Variants in SGCZ observed in about 807,000 individuals in gnomAD.
SGCZ encodes zeta-sarcoglycan.
SGCZ carries 40 observed loss-of-function variants against 41.3 expected under a neutral mutation model. The ratio of observed to expected loss-of-function variants is 0.97; its 90% CI spans 0.75 to 1.26. The LOEUF is 1.26. Among genes scored for constraint, SGCZ ranks in the 50% most tolerant of loss-of-function variants. The pLI is 0.00. For synonymous variants in SGCZ, 206 were observed against 137.5 expected (o/e 1.50, Z -3.49); for missense variants, 552 against 369.8 (o/e 1.49, Z -4.04).
At chr8:14,136,222 C>G (rs1328701021) in intron 5 of SGCZ, among the ~76,000 whole-genome samples, 1 of 152,118 alleles carries the variant, frequency 6.6e-6, no homozygotes, top group Non-Finnish European at 1.5e-5. Flanking sequence ...GTCTACAGCT[C>G]CCAGTGTGAG....
intron 2 of SGCZ, among the ~76,000 whole-genome samples, chr8:14,547,712 G>T (rs904481175): frequency 6.6e-6 from 1 of 152,060 alleles, no homozygotes; most frequent in Non-Finnish European, 1.5e-5. Context: ...ATGAAGCACC[G>T]AAGCCAGAGA....
At chr8:14,586,142 A>G (rs1483716602) in intron 1 of SGCZ, among the ~76,000 whole-genome samples, 1 of 152,158 alleles carries the variant, frequency 6.6e-6, no homozygotes, top group African/African-American at 2.4e-5. Flanking sequence ...GTTGTCTTAG[A>G]TTTCATGCTA....
intron 2 of SGCZ, among the ~76,000 whole-genome samples, chr8:14,386,751 G>A (rs534533242): frequency 7.2e-5 from 11 of 152,182 alleles, no homozygotes; most frequent in African/African-American, 2.6e-4. Flanking sequence ...TAAAAACCAA[G>A]CTTAGAAACA....
At chr8:15,172,164 T>TATTTATTTATTTTATTTTATTTTA (rs10643012) in intron 1 of SGCZ, among the ~76,000 whole-genome samples, 7 of 108,608 alleles carry the variant, frequency 6.4e-5, no homozygotes, top group African/African-American at 1.9e-4. Context: ...GTTTTTTTTT[T>TATTTATTTATTTTATTTTATTTTA]TTTTTTTTTT....
chr8:14,391,263 C>G (rs1804760079), intron 2 of SGCZ, among the ~76,000 whole-genome samples: 2 of 152,104 alleles, frequency 1.3e-5, no homozygotes, highest in African/African-American at 2.4e-5. Context: ...GTTCAGTCTT[C>G]TGACAGTTAA....
intron 1 of SGCZ, among the ~76,000 whole-genome samples, chr8:15,236,739 C>T (rs111293544): frequency 5.3e-4 from 80 of 152,308 alleles, no homozygotes; most frequent in African/African-American, 1.8e-3. Context: ...CGCGTTGTCA[C>T]CCCGGATGCT....
Position 14,659,683 on chromosome 8 carries a change from A to G in SGCZ, c.40-104757T>C, listed in dbSNP as rs115792718. Among the ~76,000 whole-genome samples the G allele has an allele frequency of 3.8e-3, 572 of 152,234 alleles. 7 individuals carry two copies. The highest frequency in any genetic ancestry group is 0.013 in the African/African-American group (554 of 41,542). On this transcript the variant is annotated intron_variant, in intron 1 of 7. Coordinates refer to ENST00000382080, the MANE Select transcript of SGCZ (RefSeq NM_139167.4). The stretch of plus-strand genomic sequence containing the variant: ...CTATGGCTTTTGGTGAAATCAACCA[A>G]TTGCTCTCTGCTCCTGCTATAGGTC...
intron 1 of SGCZ, among the ~76,000 whole-genome samples, chr8:14,698,268 C>A (rs1435258150): frequency 6.6e-6 from 1 of 151,758 alleles, no homozygotes; most frequent in African/African-American, 2.4e-5. Context: ...ACAAACTACA[C>A]CATAATTCTT....
At chr8:14,330,330 A>C (rs1487513424) in intron 2 of SGCZ, among the ~76,000 whole-genome samples, 2 of 152,106 alleles carry the variant, frequency 1.3e-5, no homozygotes, top group Non-Finnish European at 2.9e-5. Flanking sequence ...CTCTTTACTT[A>C]AATAACAAAA....
At chr8:14,151,040 C>T (rs988930111) in intron 5 of SGCZ, among the ~76,000 whole-genome samples, 7 of 151,948 alleles carry the variant, frequency 4.6e-5, no homozygotes, top group African/African-American at 7.2e-5. Context: ...AGTGGGGATG[C>T]GTCAGGTGAG....
chr8:15,106,443 C>A (rs538483286), intron 1 of SGCZ, among the ~76,000 whole-genome samples: 75 of 151,924 alleles, frequency 4.9e-4, no homozygotes, highest in Non-Finnish European at 9.7e-4. Flanking sequence ...TTAAATTTTT[C>A]TCTTATAAGC....
chr8:14,574,293 C>G (rs62498435), intron 1 of SGCZ, among the ~76,000 whole-genome samples: 2 of 151,944 alleles, frequency 1.3e-5, no homozygotes, highest in East Asian at 3.9e-4. Context: ...AATCTGCCAC[C>G]CTTATTCTCC....
chr8:14,148,128 A>G (rs1018637236), intron 5 of SGCZ, among the ~76,000 whole-genome samples: 1 of 152,148 alleles, frequency 6.6e-6, no homozygotes, highest in Non-Finnish European at 1.5e-5. Context: ...AAACAGTCTA[A>G]CAATGCATCT....
Position 14,632,999 on chromosome 8 carries a change from C to A in SGCZ, c.40-78073G>T, listed in dbSNP as rs115962374. ...ATTATATATATATATTATTTTAAAA[C>A]AAATTTTAATAATTTAATCCCAAAA... On this transcript the variant is annotated intron_variant, in intron 1 of 7. Transcript: ENST00000382080. Among the ~76,000 whole-genome samples the A allele has an allele frequency of 3.0e-3, 456 of 151,732 alleles. 8 individuals are homozygous for A. Among genetic ancestry groups the A allele is most frequent in the Admixed American group, 0.025 (377 of 15,204 alleles).
chr8:14,112,288 G>GA (rs1477282607), intron 5 of SGCZ, among the ~76,000 whole-genome samples: 2 of 140,576 alleles, frequency 1.4e-5, no homozygotes, highest in African/African-American at 5.1e-5. Context: ...TTTTGTGGGG[G>GA]GGGGGTGCAA....
intron 1 of SGCZ, among the ~76,000 whole-genome samples, chr8:14,777,331 G>T (rs143324417): frequency 2.0e-5 from 3 of 151,956 alleles, no homozygotes; most frequent in African/African-American, 7.3e-5. Flanking sequence ...TAATATTAAC[G>T]ACATTTAATT....
intron 4 of SGCZ, among the ~76,000 whole-genome samples, chr8:14,210,503 C>A (rs1036213420): frequency 6.6e-6 from 1 of 151,780 alleles, no homozygotes; most frequent in Non-Finnish European, 1.5e-5. Context: ...ACTCTTGTTG[C>A]CCAGACTGGA....
chr8:14,776,025 C>A (rs1005997194), intron 1 of SGCZ, among the ~76,000 whole-genome samples: 1 of 152,010 alleles, frequency 6.6e-6, no homozygotes, highest in African/African-American at 2.4e-5. Flanking sequence ...CAAACAATAT[C>A]ATTATGAAAT....
At chr8:14,611,039 A>C (rs1257905194) in intron 1 of SGCZ, among the ~76,000 whole-genome samples, 1 of 152,212 alleles carries the variant, frequency 6.6e-6, no homozygotes, top group Non-Finnish European at 1.5e-5. Flanking sequence ...GCAAGAATCA[A>C]GAAAGAAATC....
Sources: allele counts gnomAD v4.1 joint callset (sites outside exome capture counted in the v4.1 genomes callset), GRCh38; gene constraint gnomAD v4.1.1; transcripts MANE v1.5; gene names NCBI Gene and HGNC (gene_info 2026-07-23, HGNC 2026-07-21).